The following TNFAIP1 variants were observed in gnomAD, a reference collection of about 807,000 sequenced individuals.
TNFAIP1 encodes the protein TNF alpha induced protein 1.
Under a neutral mutation model 32.6 loss-of-function variants are expected in TNFAIP1, and 20 were observed. That is an observed-to-expected ratio of 0.61 (90% CI 0.43 to 0.89). The LOEUF is 0.89. Among genes scored for constraint, TNFAIP1 ranks in the 40% least tolerant of loss-of-function variants. The pLI, the probability that TNFAIP1 is intolerant of heterozygous loss-of-function variation, is 0.00. For missense variants in TNFAIP1, 319 were observed against 425.1 expected (o/e 0.75, Z 2.20); for synonymous variants, 166 against 166.8 (o/e 1.00, Z 0.04).
chr17:28,344,792 C>T lies in TNFAIP1; in HGVS notation c.*192C>T, dbSNP rs1907491213. The T allele has an allele frequency of 1.6e-6, 1 of 613,328 alleles. No homozygotes were observed. Among genetic ancestry groups the T allele is most frequent in the Non-Finnish European group, 2.9e-6 (1 of 346,760 alleles). The allele number at this position is 613,328 out of a possible 1,614,324, so 38.0% of individuals were successfully genotyped here. On this transcript the variant is annotated 3_prime_UTR_variant, in exon 7 of 7. Coordinates refer to ENST00000226225, the MANE Select transcript of TNFAIP1 (RefSeq NM_021137.5). ...TCCCCTGCCTTGCCCCTGAGCACTT[C>T]TGGAGACTGCGTCCTGTCCTATCTG...
In TNFAIP1 at chr17:28,342,208, A is replaced by G. The variant is rs782354780; in HGVS notation, c.519-39A>G. 6.4e-6 allele frequency: 9 copies of G among 1,410,778 alleles called. No individual in the cohort carries two copies. The Admixed American group carries it at 2.0e-4, about 32-fold the overall frequency. The allele number at this position is 1,410,778 out of a possible 1,614,324, so 87.4% of individuals were successfully genotyped here. A position where few individuals can be genotyped will look rare whatever the true frequency, so the allele number is the denominator to read the frequency against. On this transcript the variant is annotated intron_variant, in intron 5 of 6. Transcript: ENST00000226225. The surrounding 1 kb of genome is among the most constrained non-coding windows in gnomAD (Gnocchi z 4.0). ...GTCTAGCACCCTCCCTTGGACTGGA[A>G]CCTCACTCCCAGCCGCTTGGCCCTC...
Position 28,342,532 on chromosome 17 carries a change from G to A in TNFAIP1, c.714+90G>A. 7.6e-7 allele frequency: 1 copy of A among 1,317,738 alleles called. No individual in the cohort carries two copies. The highest frequency in any genetic ancestry group is 1.0e-6 in the Non-Finnish European group (1 of 981,396). The allele number at this position is 1,317,738 out of a possible 1,614,324, so 81.6% of individuals were successfully genotyped here. On this transcript the variant is annotated intron_variant, in intron 6 of 6. Transcript: ENST00000226225. This position sits in a 1 kb window ranked among gnomAD's most constrained non-coding sequence, Gnocchi z 4.0. ...GGGCTGTGACCAGCACGGAGCAAAA[G>A]GGGCATGGACTTGGCTCTTTTTTCC...
chr17:28,339,794 T>G, intron 2 of TNFAIP1, 68 bp downstream of exon 2: 15 of 1,516,194 alleles, frequency 9.9e-6, no homozygotes, highest in African/African-American at 2.7e-5. Context: ...TGACCAGATC[T>G]AGAATTCAGT....
Position 28,339,481 on chromosome 17 carries a change from A to G in TNFAIP1, c.-41A>G. On this transcript the variant is annotated 5_prime_UTR_variant, in exon 2 of 7. Transcript: ENST00000226225. ...CTTTCCACCACGGCGGAGCCTTCCA[A>G]GCCTACCTCCTGCCGTGTGGTGATC... 1 of 1,544,242 alleles carries G rather than the reference A, an allele frequency of 6.5e-7. No homozygotes were observed. Among genetic ancestry groups the G allele is most frequent in the South Asian group, 1.3e-5 (1 of 79,884 alleles).
Position 28,342,139 on chromosome 17 carries a change from G to A in TNFAIP1, c.519-108G>A, listed in dbSNP as rs988723687. 8.8e-6 allele frequency: 9 copies of A among 1,023,904 alleles called. No individual in the cohort carries two copies. The highest frequency in any genetic ancestry group is 2.7e-5 in the Admixed American group (1 of 37,586). The allele number at this position is 1,023,904 out of a possible 1,614,324, so 63.4% of individuals were successfully genotyped here. On this transcript the variant is annotated intron_variant, in intron 5 of 6. Coordinates refer to ENST00000226225, the MANE Select transcript of TNFAIP1 (RefSeq NM_021137.5). The surrounding 1 kb of genome is among the most constrained non-coding windows in gnomAD (Gnocchi z 4.0). ...CCCCCTGGCATCTTGCTTTCATTTC[G>A]GCAGGACAGGATGGGGGAAGGGAGG... is the stretch of plus-strand genomic sequence containing the variant.
chr17:28,344,309 A>G, intron 6 of TNFAIP1, 55 bp from the exon 7 acceptor site: 1 of 1,524,470 alleles, frequency 6.6e-7, no homozygotes, highest in Non-Finnish European at 9.1e-7. Context: ...GCTCTGACGC[A>G]TGGCTTCCTC....
chr17:28,338,233 G>A (rs1907242503), intron 1 of TNFAIP1, among the ~76,000 whole-genome samples: 1 of 152,176 alleles, frequency 6.6e-6, no homozygotes, highest in East Asian at 1.9e-4. Context: ...GGCCTACTGA[G>A]TAGCCAGGAG....
In TNFAIP1 at chr17:28,341,272, C is replaced by T. The variant is rs1555578114; in HGVS notation, c.411C>T (p.Ile137=). The change falls in exon 4 of 7, where the codon ATC becomes ATT. Residue 137 remains isoleucine, a synonymous_variant. Coordinates refer to ENST00000226225, the MANE Select transcript of TNFAIP1 (RefSeq NM_021137.5). ...KKDSYQPVCN[I]PIITSLKEEE... ...ACTCCTACCAGCCTGTGTGCAACAT[C>T]CCCATCATCACATCCCTAAAGGAGG... 1.9e-6 allele frequency: 3 copies of T among 1,614,198 alleles called. No individual in the cohort carries two copies. The South Asian group carries it at 3.3e-5, about 18-fold the overall frequency.
chr17:28,336,341 T>C (rs1210770416), intron 1 of TNFAIP1: 1 of 152,212 alleles, frequency 6.6e-6, no homozygotes, highest in African/African-American at 2.4e-5. Context: ...GGAAGAGCAC[T>C]GTGGCTATCA....
chr17:28,337,925 G>A (rs1907232911), intron 1 of TNFAIP1, among the ~76,000 whole-genome samples: 1 of 152,214 alleles, frequency 6.6e-6, no homozygotes. Context: ...TAAGCTCCAT[G>A]TGGACATGAC....
rs1488012046 is a variant in TNFAIP1, at chr17:28,339,558, G to A, written c.37G>A (p.Ala13Thr). Residue 13 changes from alanine (A) to threonine (T), a missense_variant, in exon 2 of 7, where the codon GCC becomes ACC. Transcript: ENST00000226225. The part of the protein sequence containing the change: ...GDTCLCPASG[A>T]KPKLSGFKGG... ...CACCTGCCTGTGCCCAGCCTCAGGG[G>A]CCAAGCCCAAGCTCAGTGGCTTCAA... is the stretch of plus-strand genomic sequence containing the variant. The A allele has an allele frequency of 8.1e-6, 13 of 1,612,020 alleles. No individual in the cohort carries two copies. Among genetic ancestry groups the A allele is most frequent in the Non-Finnish European group, 1.1e-5 (13 of 1,178,976 alleles).
rs551043509 is a variant in TNFAIP1 at position 28,344,299 on chromosome 17, G to A, written c.715-65G>A. On this transcript the variant is annotated intron_variant, in intron 6 of 6. Coordinates refer to ENST00000226225, the MANE Select transcript of TNFAIP1 (RefSeq NM_021137.5). ...GCCTTATGGAGCCTCAGGGCCAGCCGCTCTGACGCATGGCTTCCTCTTGAA... is the reference window on the plus strand; with the variant it reads ...GCCTTATGGAGCCTCAGGGCCAGCCACTCTGACGCATGGCTTCCTCTTGAA... 4.8e-5 allele frequency: 70 copies of A among 1,455,108 alleles called. No individual in the cohort carries two copies. The African/African-American group carries it at 8.5e-4, about 18-fold the overall frequency. 90.1% of individuals were successfully genotyped at this position (1,455,108 alleles called of 1,614,324 possible).
rs1907465412 is a variant in TNFAIP1, at chr17:28,344,283, AGCCTCAGGGCCAGCC to A, written c.715-78_715-64del. On this transcript the variant is annotated intron_variant, in intron 6 of 6. Transcript: ENST00000226225. ...ATGAGAGGTAGCGGAGGCCTTATGGAGCCTCAGGGCCAGCCGCTCTGACGCATGGCTTCCTCTTGA... is the reference window on the plus strand; with the variant it reads ...ATGAGAGGTAGCGGAGGCCTTATGGAGCTCTGACGCATGGCTTCCTCTTGA... 6.4e-6 allele frequency: 8 copies of A among 1,254,872 alleles called. No individual in the cohort carries two copies. In the South Asian group the frequency reaches 8.6e-5, roughly 14 times the overall value. The allele number at this position is 1,254,872 out of a possible 1,614,324, so 77.7% of individuals were successfully genotyped here.
chr17:28,341,442 G>A lies in TNFAIP1; in HGVS notation c.504G>A (p.Lys168=). 6.2e-7 allele frequency: 1 copy of A among 1,614,174 alleles called. No individual in the cohort carries two copies. Among genetic ancestry groups the A allele is most frequent in the Non-Finnish European group, 8.5e-7 (1 of 1,180,026 alleles). ...VKLLYNRSNN[K]YSYTSNSDDH... ...TGCTGTACAACAGAAGCAACAACAA[G>A]TATTCCTACACCAGGTAGGGTGCGT... is the stretch of plus-strand genomic sequence containing the variant. Residue 168 remains lysine (K), a synonymous_variant, in exon 5 of 7, where the codon AAG becomes AAA. Transcript: ENST00000226225.
chr17:28,339,293 G>C, intron 1 of TNFAIP1, 115 bp from the exon 2 acceptor site: 1 of 402,842 alleles, frequency 2.5e-6, no homozygotes, highest in Non-Finnish European at 4.4e-6. Context: ...GCCTCTGCCA[G>C]GGAGCAGTGC....
Position 28,340,560 on chromosome 17 carries a change from G to A in TNFAIP1, c.375+82G>A. On this transcript the variant is annotated intron_variant, in intron 3 of 6. Transcript: ENST00000226225. This position sits in a 1 kb window ranked among gnomAD's most constrained non-coding sequence, Gnocchi z 4.1. ...TGTGGGATGGAGGACTCTGGTTCCT[G>A]GCAGGTTGTGTGGGAGGCGTGGTTG... The A allele has an allele frequency of 1.3e-6, 2 of 1,528,402 alleles. No individual in the cohort carries two copies. The highest frequency in any genetic ancestry group is 1.7e-5 in the Admixed American group (1 of 57,186). 94.7% of individuals were successfully genotyped at this position (1,528,402 alleles called of 1,614,324 possible).
Position 28,344,698 on chromosome 17 carries a change from C to A in TNFAIP1, c.*98C>A. On this transcript the variant is annotated 3_prime_UTR_variant, in exon 7 of 7. Transcript: ENST00000226225. Reference sequence around the variant, plus strand: ...CATGCTGCTGCTGCCTGGGTCTCTGCTCTAGCACCCAGAGGCATGACAGGC... The same window carrying A: ...CATGCTGCTGCTGCCTGGGTCTCTGATCTAGCACCCAGAGGCATGACAGGC... The A allele has an allele frequency of 2.4e-6, 3 of 1,241,836 alleles. No individual in the cohort carries two copies. Among genetic ancestry groups the A allele is most frequent in the Non-Finnish European group, 3.4e-6 (3 of 872,062 alleles). 76.9% of individuals were successfully genotyped at this position (1,241,836 alleles called of 1,614,324 possible). A position where few individuals can be genotyped will look rare whatever the true frequency, so the allele number is the denominator to read the frequency against.
rs3093693 is a variant in TNFAIP1 at position 28,343,607 on chromosome 17, C to T, written c.715-757C>T. Among the ~76,000 whole-genome samples, 968 of 152,088 alleles carry T rather than the reference C, an allele frequency of 6.4e-3. 14 individuals are homozygous for T. Among genetic ancestry groups the T allele is most frequent in the African/African-American group, 0.022 (925 of 41,458 alleles). On this transcript the variant is annotated intron_variant, in intron 6 of 6. Transcript: ENST00000226225. ...GTGAAAGGGTTCAGGGGCAGGTCTCCAGTGGCTGGTGATGCTGCGACGGAA... is the reference window on the plus strand; with the variant it reads ...GTGAAAGGGTTCAGGGGCAGGTCTCTAGTGGCTGGTGATGCTGCGACGGAA...
At position 28,342,486 on chromosome 17, in the gene TNFAIP1, C is replaced by A. The variant is rs1555578341; in HGVS notation, c.714+44C>A. ...GCCTGGGTAGGGGAGGACACACACC[C>A]ACTGTGCGGGGGACGTGGTCGGGCT... On this transcript the variant is annotated intron_variant, in intron 6 of 6. Coordinates refer to ENST00000226225, the MANE Select transcript of TNFAIP1 (RefSeq NM_021137.5). This position sits in a 1 kb window ranked among gnomAD's most constrained non-coding sequence, Gnocchi z 4.0. 6.5e-7 allele frequency: 1 copy of A among 1,535,930 alleles called. No individual in the cohort carries two copies. Among genetic ancestry groups the A allele is most frequent in the Middle Eastern group, 1.7e-4 (1 of 5,758 alleles).
Sources: gnomAD v4.1 joint callset for allele counts (sites outside exome capture counted in the v4.1 genomes callset) on GRCh38, gnomAD v4.1.1 for gene constraint, Gnocchi (gnomAD v3.1) non-coding constraint, MANE v1.5 for transcripts, NCBI Gene and HGNC (gene_info 2026-07-23, HGNC 2026-07-21) for gene names.